Variants in P2RY14 observed in about 807,000 individuals in gnomAD.
P2RY14 encodes purinergic receptor P2Y14, also known as P2Y purinoceptor 14.
Under a neutral mutation model 0.9 loss-of-function variants are expected in P2RY14, and 2 were observed. The observed-to-expected ratio is 2.16, with a 90% CI of 0.88 to 6.79. P2RY14 has a LOEUF of 6.79. Ranked by LOEUF, P2RY14 falls within the 30% of genes most tolerant of loss-of-function variation. The pLI is 0.05. For missense variants in P2RY14, 378 were observed against 400.1 expected, an observed-to-expected ratio of 0.94 and a Z score of 0.47; for synonymous variants, 158 against 147.2, an observed-to-expected ratio of 1.07 and a Z score of -0.53.
At chr3:151,237,110 C>T (rs541256048) in intron 1 of P2RY14, among the ~76,000 whole-genome samples, 3 of 146,142 alleles carry the variant, frequency 2.1e-5, no homozygotes, top group South Asian at 2.2e-4. Flanking sequence ...GTACCAGTCT[C>T]GGCTAACTGC....
intron 1 of P2RY14, among the ~76,000 whole-genome samples, chr3:151,237,350 CT>C (rs57239604): frequency 6.6e-4 from 62 of 94,630 alleles, no homozygotes; most frequent in African/African-American, 2.2e-3. Flanking sequence ...TTTTTTTTTT[CT>C]TTTTTTTTTT....
intron 1 of P2RY14, 107 bp downstream of exon 1, chr3:151,278,180 G>C (rs1307226838): frequency 6.6e-6 from 1 of 152,158 alleles, no homozygotes; most frequent in African/African-American, 2.4e-5. Context: ...GAGTGGCAAT[G>C]GTTCAGTGTT....
At position 151,246,303 on chromosome 3, in the gene P2RY14, G is replaced by GT. The variant is rs1439121989; in HGVS notation, c.-132-26662dup. On this transcript the variant is annotated intron_variant, in intron 1 of 2. Transcript: ENST00000309170. ...TTCATATGGAACCAAAAAAGAGCCC[G>GT]TATCGCCAAGTCAATCCTAAGCCAA... Among the ~76,000 whole-genome samples the GT allele has an allele frequency of 4.6e-3, 705 of 152,066 alleles. 13 individuals are homozygous for GT. Among genetic ancestry groups the GT allele is most frequent in the African/African-American group, 0.016 (661 of 41,408 alleles).
intron 1 of P2RY14, among the ~76,000 whole-genome samples, chr3:151,224,865 C>G (rs9817380): frequency 0.48 from 72,395 of 152,006 alleles, 17,335 homozygotes; most frequent in Non-Finnish European, 0.5. Context: ...GTAACCTTTG[C>G]CTCCTGTGTA....
At chr3:151,255,392 C>G (rs1334363669) in intron 1 of P2RY14, among the ~76,000 whole-genome samples, 1 of 151,842 alleles carries the variant, frequency 6.6e-6, no homozygotes, top group Non-Finnish European at 1.5e-5. Flanking sequence ...TAATGAGCAT[C>G]CAGTAGAGTA....
intron 1 of P2RY14, among the ~76,000 whole-genome samples, chr3:151,240,352 A>G (rs976968364): frequency 6.6e-6 from 1 of 152,214 alleles, no homozygotes; most frequent in Admixed American, 6.5e-5. Flanking sequence ...CAGCTCAAGC[A>G]GTTTCCAGTG....
intron 1 of P2RY14, among the ~76,000 whole-genome samples, chr3:151,265,085 C>T (rs1197080114): frequency 6.6e-6 from 1 of 152,192 alleles, no homozygotes; most frequent in Non-Finnish European, 1.5e-5. Context: ...GTCCTGCCTC[C>T]AGCCTGCTAG....
Position 151,213,599 on chromosome 3 carries a change from A to T in P2RY14, c.718T>A (p.Phe240Ile). 1.9e-6 allele frequency: 3 copies of T among 1,614,190 alleles called. No homozygotes were observed. The highest frequency in any genetic ancestry group is 2.5e-6 in the Non-Finnish European group (3 of 1,180,034). ...GGTACAAAACAGACAAAAAACACAAACACGATGCTGAATATGTTGCGGCTA... is the reference window on the plus strand; with the variant it reads ...GGTACAAAACAGACAAAAAACACAATCACGATGCTGAATATGTTGCGGCTA... ...KSSRNIFSIV[F>I]VFFVCFVPYH... The change falls in exon 3 of 3, where the codon TTT becomes ATT. Residue 240 changes from phenylalanine (F) to isoleucine (I), a missense_variant. Transcript: ENST00000309170.
intron 2 of P2RY14, among the ~76,000 whole-genome samples, chr3:151,216,336 A>G (rs893400187): frequency 6.6e-6 from 1 of 152,154 alleles, no homozygotes; most frequent in Non-Finnish European, 1.5e-5. Flanking sequence ...TTTCATCTGT[A>G]TTTGTGGTGC....
chr3:151,216,931 C>T (rs1728349696), intron 2 of P2RY14, among the ~76,000 whole-genome samples: 1 of 152,086 alleles, frequency 6.6e-6, no homozygotes, highest in Admixed American at 6.6e-5. Context: ...AGAATGCATG[C>T]TGCTGTATTC....
chr3:151,218,038 C>T (rs1191682932), intron 2 of P2RY14, among the ~76,000 whole-genome samples: 1 of 152,186 alleles, frequency 6.6e-6, no homozygotes, highest in Non-Finnish European at 1.5e-5. Context: ...GTGATATCTA[C>T]TCAGTCTCCT....
chr3:151,245,970 C>T (rs1735360510), intron 1 of P2RY14, among the ~76,000 whole-genome samples: 1 of 151,008 alleles, frequency 6.6e-6, no homozygotes. Flanking sequence ...TTCTTATACA[C>T]CAGCAACAGA....
At chr3:151,263,086 T>C (rs1739201578) in intron 1 of P2RY14, among the ~76,000 whole-genome samples, 1 of 151,980 alleles carries the variant, frequency 6.6e-6, no homozygotes, top group African/African-American at 2.4e-5. Context: ...TAGGAGTACA[T>C]GGGGTTGACG....
At position 151,253,432 on chromosome 3, in the gene P2RY14, T is replaced by G. The variant is rs189054489; in HGVS notation, c.-133+24855A>C. Among the ~76,000 whole-genome samples, 90 of 152,302 alleles carry G rather than the reference T, an allele frequency of 5.9e-4. 1 individual carries two copies. Among genetic ancestry groups the G allele is most frequent in the African/African-American group, 2.1e-3 (88 of 41,576 alleles). On this transcript the variant is annotated intron_variant, in intron 1 of 2. Transcript: ENST00000309170. ...TGTTCATTTCCAAACACACCTTCTGTTCTCCCTCCTCTGGCCTTTGTTGGG... is the reference window on the plus strand; with the variant it reads ...TGTTCATTTCCAAACACACCTTCTGGTCTCCCTCCTCTGGCCTTTGTTGGG...
At chr3:151,235,928 T>C (rs186818954) in intron 1 of P2RY14, among the ~76,000 whole-genome samples, 1 of 152,212 alleles carries the variant, frequency 6.6e-6, no homozygotes, top group Non-Finnish European at 1.5e-5. Context: ...TTTTCTCTTG[T>C]CTCCCTTTGT....
intron 1 of P2RY14, among the ~76,000 whole-genome samples, chr3:151,277,521 C>T (rs528173005): frequency 6.6e-5 from 10 of 151,974 alleles, no homozygotes; most frequent in African/African-American, 2.4e-4. Flanking sequence ...TCATTTTCTC[C>T]GTAGGATTGA....
In P2RY14 at chr3:151,213,493, T is replaced by A. The variant is rs759104990; in HGVS notation, c.824A>T (p.Tyr275Phe). The A allele has an allele frequency of 1.9e-6, 3 of 1,614,168 alleles. No homozygotes were observed. The South Asian group carries it at 3.3e-5, about 18-fold the overall frequency. The change falls in exon 3 of 3, where the codon TAT becomes TTT. Residue 275 changes from tyrosine to phenylalanine, a missense_variant. Tyr to Phe is a conservative substitution (Grantham distance 22). Transcript: ENST00000309170. Reference sequence around the variant, plus strand: ...TAGTAGCAGAGTGAATTCTTTCATATACCGCAAGATTTCTTTTGACTGGCA... The same window carrying A: ...TAGTAGCAGAGTGAATTCTTTCATAAACCGCAAGATTTCTTTTGACTGGCA... ...YSCQSKEILR[Y>F]MKEFTLLLSA...
intron 1 of P2RY14, among the ~76,000 whole-genome samples, chr3:151,231,959 T>A (rs1487337557): frequency 6.6e-6 from 1 of 152,186 alleles, no homozygotes; most frequent in Non-Finnish European, 1.5e-5. Flanking sequence ...ATGGGCTTTT[T>A]TTGCTGATAT....
intron 1 of P2RY14, among the ~76,000 whole-genome samples, chr3:151,253,640 A>AT (rs1249637324): frequency 6.6e-6 from 1 of 150,950 alleles, no homozygotes; most frequent in African/African-American, 2.4e-5. Context: ...GTGTCTTCTG[A>AT]TTTTTTCTTT....
Sources: gnomAD v4.1 joint callset for allele counts (sites outside exome capture counted in the v4.1 genomes callset) on GRCh38, gnomAD v4.1.1 for gene constraint, MANE v1.5 for transcripts, NCBI Gene and HGNC (gene_info 2026-07-23, HGNC 2026-07-21) for gene names.